The following DERL2 variants were observed in gnomAD, a reference collection of about 807,000 sequenced individuals.
The protein encoded by DERL2 is derlin 2, also known as derlin-2.
In DERL2, 13 loss-of-function variants were observed where a neutral mutation model predicts 32.0. The ratio of observed to expected loss-of-function variants is 0.41; its 90% CI spans 0.26 to 0.65. The LOEUF (loss-of-function observed/expected upper bound fraction) is 0.65, where lower values mean the gene tolerates loss of function less well. DERL2 is among the 30% of genes least tolerant of loss of function. The pLI is 0.35. For synonymous variants in DERL2, 111 were observed against 104.7 expected, an observed-to-expected ratio of 1.06 and a Z score of -0.37; for missense variants, 208 against 296.3, an observed-to-expected ratio of 0.70 and a Z score of 2.19.
intron 6 of DERL2, among the ~76,000 whole-genome samples, chr17:5,479,712 A>G (rs1374449157): frequency 1.3e-5 from 2 of 152,100 alleles, no homozygotes; most frequent in Non-Finnish European, 2.9e-5. Context: ...AACTTTCATC[A>G]GTTTTGCCCA....
At position 5,474,630 on chromosome 17, in the gene DERL2, C is replaced by T. The variant is rs1272896339; in HGVS notation, c.*54G>A. ...TTTTGCAACAAAGGATAAAAGATCC[C>T]AGTGGGTATCACCGAGTCCTTCCCA... On this transcript the variant is annotated 3_prime_UTR_variant, in exon 7 of 7. Transcript: ENST00000158771. The surrounding 1 kb of genome is among the most constrained non-coding windows in gnomAD (Gnocchi z 4.3). 2 of 1,363,000 alleles carry T rather than the reference C, an allele frequency of 1.5e-6. No homozygotes were observed. Among genetic ancestry groups the T allele is most frequent in the South Asian group, 1.3e-5 (1 of 79,890 alleles). The allele number at this position is 1,363,000 out of a possible 1,614,324, so 84.4% of individuals were successfully genotyped here. A position where few individuals can be genotyped will look rare whatever the true frequency, so the allele number is the denominator to read the frequency against.
intron 6 of DERL2, among the ~76,000 whole-genome samples, chr17:5,478,770 A>G (rs1035628690): frequency 6.6e-6 from 1 of 152,236 alleles, no homozygotes; most frequent in Non-Finnish European, 1.5e-5. Flanking sequence ...TTATAATTTT[A>G]TAACACTTCA....
At chr17:5,483,349 T>TA (rs35004532) in intron 2 of DERL2, among the ~76,000 whole-genome samples, 22,235 of 135,962 alleles carry the variant, frequency 0.16, 1,860 homozygotes, top group African/African-American at 0.24. Flanking sequence ...AACTAAAACT[T>TA]AAAAAAAAAA....
In DERL2 at chr17:5,481,238, C is replaced by G. The variant is rs975942906; in HGVS notation, c.327+58G>C. The G allele has an allele frequency of 7.1e-6, 9 of 1,265,570 alleles. No individual in the cohort carries two copies. Among genetic ancestry groups the G allele is most frequent in the Admixed American group, 5.1e-5 (3 of 59,306 alleles). 78.4% of individuals were successfully genotyped at this position (1,265,570 alleles called of 1,614,324 possible). Reference sequence around the variant, plus strand: ...AGAACTGTGGGAGACAGATGACAAGCTTTAGGAAGAGCCAGGGTGTTCTTC... The same window carrying G: ...AGAACTGTGGGAGACAGATGACAAGGTTTAGGAAGAGCCAGGGTGTTCTTC... On this transcript the variant is annotated intron_variant, in intron 4 of 6. Coordinates refer to ENST00000158771, the MANE Select transcript of DERL2 (RefSeq NM_016041.5). The surrounding 1 kb of genome is among the most constrained non-coding windows in gnomAD (Gnocchi z 4.4).
Position 5,471,493 on chromosome 17 carries a change from A to G in DERL2, c.*3191T>C, listed in dbSNP as rs1905125459. On this transcript the variant is annotated 3_prime_UTR_variant, in exon 7 of 7. Transcript: ENST00000158771. ...TATAGGGATTCAGAGACAGACAATAAAATAGGCCTTAGAGTCAAGATTTTT... is the reference window on the plus strand; with the variant it reads ...TATAGGGATTCAGAGACAGACAATAGAATAGGCCTTAGAGTCAAGATTTTT... 2 of 152,228 alleles carry G rather than the reference A, an allele frequency of 1.3e-5. No individual in the cohort carries two copies. Among genetic ancestry groups the G allele is most frequent in the Non-Finnish European group, 2.9e-5 (2 of 68,046 alleles). 9.4% of individuals were successfully genotyped at this position (152,228 alleles called of 1,614,324 possible).
chr17:5,486,299 G>T (rs956316591), upstream of DERL2: 2 of 622,594 alleles, frequency 3.2e-6, no homozygotes, highest in African/African-American at 1.9e-5. Context: ...CCAAGCAACC[G>T]CAATCCGTAG....
At chr17:5,483,729 A>G (rs1905956493) in intron 2 of DERL2, among the ~76,000 whole-genome samples, 1 of 152,210 alleles carries the variant, frequency 6.6e-6, no homozygotes, top group African/African-American at 2.4e-5. Flanking sequence ...GCAGGAGTAG[A>G]TGGAAACTCT....
chr17:5,482,976 C>T (rs898787469), intron 2 of DERL2, 94 bp from the exon 3 acceptor site: 7 of 671,168 alleles, frequency 1.0e-5, no homozygotes, highest in Middle Eastern at 4.1e-4. Flanking sequence ...CCTATGACTG[C>T]GGTGGTTGAG....
chr17:5,485,638 C>T (rs1264332732), intron 1 of DERL2, among the ~76,000 whole-genome samples: 1 of 152,150 alleles, frequency 6.6e-6, no homozygotes, highest in Non-Finnish European at 1.5e-5. Flanking sequence ...CTCCAGCTAG[C>T]CCCTTATTTA....
chr17:5,481,424 G>T lies in DERL2; in HGVS notation c.234-35C>A, dbSNP rs757473041. 1 of 1,440,736 alleles carries T rather than the reference G, an allele frequency of 6.9e-7. No homozygotes were observed. The highest frequency in any genetic ancestry group is 1.2e-5 in the South Asian group (1 of 86,652). 89.2% of individuals were successfully genotyped at this position (1,440,736 alleles called of 1,614,324 possible). On this transcript the variant is annotated intron_variant, in intron 3 of 6. Transcript: ENST00000158771. This position sits in a 1 kb window ranked among gnomAD's most constrained non-coding sequence, Gnocchi z 4.4. ...CAAGTTAAGAAAATATTAAGCACAC[G>T]AATATGAACAAAGTAAAAATTTAAT...
Position 5,481,225 on chromosome 17 carries a change from G to T in DERL2, c.327+71C>A. ...AGCTAAGATCTAGAGAACTGTGGGAGACAGATGACAAGCTTTAGGAAGAGC... is the reference window on the plus strand; with the variant it reads ...AGCTAAGATCTAGAGAACTGTGGGATACAGATGACAAGCTTTAGGAAGAGC... On this transcript the variant is annotated intron_variant, in intron 4 of 6. Transcript: ENST00000158771. This position sits in a 1 kb window ranked among gnomAD's most constrained non-coding sequence, Gnocchi z 4.4. 9.2e-7 allele frequency: 1 copy of T among 1,091,832 alleles called. No homozygotes were observed. The highest frequency in any genetic ancestry group is 1.4e-6 in the Non-Finnish European group (1 of 704,968). The allele number at this position is 1,091,832 out of a possible 1,614,324, so 67.6% of individuals were successfully genotyped here.
rs1905282468 is a variant in DERL2 at position 5,474,745 on chromosome 17, G to C, written c.659C>G (p.Pro220Arg). The part of the protein sequence containing the change: ...DTPDEDPNYN[P>R]LPEERPGGFA... The stretch of plus-strand genomic sequence containing the variant: ...GCCTCCTGGCCGTTCCTCAGGTAGT[G>C]GATTGTAATTTGGATCCTCATCTGG... The change falls in exon 7 of 7, where the codon CCA (proline) becomes CGA (arginine). Residue 220 changes from proline (P) to arginine (R), a missense_variant. Pro to Arg is a moderately radical substitution (Grantham distance 103). Transcript: ENST00000158771. The surrounding 1 kb of genome is among the most constrained non-coding windows in gnomAD (Gnocchi z 4.3). 6.2e-7 allele frequency: 1 copy of C among 1,613,610 alleles called. No individual in the cohort carries two copies. The highest frequency in any genetic ancestry group is 8.5e-7 in the Non-Finnish European group (1 of 1,179,852).
intron 6 of DERL2, among the ~76,000 whole-genome samples, chr17:5,479,504 A>T (rs1905626889): frequency 1.1e-5 from 1 of 93,270 alleles, no homozygotes; most frequent in Non-Finnish European, 1.9e-5. Context: ...TGTAAAAAAA[A>T]AAAAAAAAAA....
At chr17:5,482,253 T>C (rs1470570104) in intron 3 of DERL2, 1 of 153,188 alleles carries the variant, frequency 6.5e-6, no homozygotes, top group African/African-American at 2.4e-5. Flanking sequence ...AACTCCCTCT[T>C]AATACAGAGG....
At chr17:5,478,829 T>C (rs1214619347) in intron 6 of DERL2, among the ~76,000 whole-genome samples, 1 of 152,192 alleles carries the variant, frequency 6.6e-6, no homozygotes, top group Non-Finnish European at 1.5e-5. Context: ...GTTACAAAAA[T>C]TGTTTTTTGA....
chr17:5,475,062 G>C (rs1905296926), intron 6 of DERL2, among the ~76,000 whole-genome samples: 1 of 152,164 alleles, frequency 6.6e-6, no homozygotes, highest in Non-Finnish European at 1.5e-5. Flanking sequence ...TCAATTTCCA[G>C]AGGTAACTAT....
Position 5,482,868 on chromosome 17 carries a change from G to T in DERL2, c.174C>A (p.Ile58=), listed in dbSNP as rs1905882128. The change falls in exon 3 of 7, where the codon ATC becomes ATA. Residue 58 remains isoleucine (I), a synonymous_variant. Coordinates refer to ENST00000158771, the MANE Select transcript of DERL2 (RefSeq NM_016041.5). ...CTGGCCCAAAAAATAAGAAGTTGGT[G>T]ATTAATCTCCATATCTGTTAAAAAA... ...IFKHFQIWRL[I]TNFLFFGPVG... is the part of the protein sequence containing the mutation. The T allele has an allele frequency of 3.3e-6, 5 of 1,498,814 alleles. No homozygotes were observed. The highest frequency in any genetic ancestry group is 2.4e-5 in the South Asian group (2 of 82,882). 92.8% of individuals were successfully genotyped at this position (1,498,814 alleles called of 1,614,324 possible). A position where few individuals can be genotyped will look rare whatever the true frequency, so the allele number is the denominator to read the frequency against.
At position 5,481,879 on chromosome 17, in the gene DERL2, A is replaced by T. The variant is rs556107133; in HGVS notation, c.234-490T>A. Among the ~76,000 whole-genome samples the T allele has an allele frequency of 6.6e-6, 1 of 152,164 alleles. No homozygotes were observed. The highest frequency in any genetic ancestry group is 2.1e-4 in the South Asian group (1 of 4,820). ...TGGCCAGGCTGGTCTCAAACTCCTG[A>T]CCTCGTGATCCACTGCCTTGGCCTC... On this transcript the variant is annotated intron_variant, in intron 3 of 6. Transcript: ENST00000158771. This position sits in a 1 kb window ranked among gnomAD's most constrained non-coding sequence, Gnocchi z 4.4.
chr17:5,483,138 G>A (rs1905905861), intron 2 of DERL2, among the ~76,000 whole-genome samples: 1 of 152,048 alleles, frequency 6.6e-6, no homozygotes, highest in Non-Finnish European at 1.5e-5. Context: ...TTTAAATTGT[G>A]ATCGTCGTAT....
Sources: allele counts gnomAD v4.1 joint callset (sites outside exome capture counted in the v4.1 genomes callset), GRCh38; gene constraint gnomAD v4.1.1; non-coding constraint Gnocchi (gnomAD v3.1); transcripts MANE v1.5; gene names NCBI Gene and HGNC (gene_info 2026-07-23, HGNC 2026-07-21).